Variants in NELL1 observed in about 807,000 individuals in gnomAD.
The protein encoded by NELL1 is protein kinase C-binding protein NELL1.
In NELL1, 76 loss-of-function variants were observed where a neutral mutation model predicts 107.4. The ratio of observed to expected loss-of-function variants is 0.71; its 90% CI spans 0.59 to 0.86. The LOEUF (loss-of-function observed/expected upper bound fraction) is 0.86, where lower values mean the gene tolerates loss of function less well. Among genes scored for constraint, NELL1 ranks in the 40% least tolerant of loss-of-function variants. The pLI is 0.00. For missense variants in NELL1, 1,024 were observed against 1,005.5 expected (o/e 1.02, Z -0.25); for synonymous variants, 353 against 341.2 (o/e 1.03, Z -0.38).
intron 4 of NELL1, among the ~76,000 whole-genome samples, chr11:20,858,867 T>C (rs1848928403): frequency 6.6e-6 from 1 of 152,164 alleles, no homozygotes; most frequent in Non-Finnish European, 1.5e-5. Context: ...GTGTGGCCTA[T>C]TAGAAGCTCC....
chr11:21,396,043 G>A (rs191327309), intron 15 of NELL1, among the ~76,000 whole-genome samples: 22 of 151,636 alleles, frequency 1.5e-4, no homozygotes, highest in African/African-American at 5.1e-4. Flanking sequence ...GGCTGAGGCA[G>A]TTTTCACTTC....
At chr11:21,372,594 T>C (rs1851381060) in intron 15 of NELL1, among the ~76,000 whole-genome samples, 1 of 151,956 alleles carries the variant, frequency 6.6e-6, no homozygotes, top group African/African-American at 2.4e-5. Flanking sequence ...GCCTGTGTTA[T>C]CAAACCTTGC....
rs191900044 is a variant in NELL1, at chr11:20,726,441, C to G, written c.184+48381C>G. Among the ~76,000 whole-genome samples, 517 of 148,472 alleles carry G rather than the reference C, an allele frequency of 3.5e-3. 2 individuals carry two copies. The highest frequency in any genetic ancestry group is 0.012 in the African/African-American group (484 of 40,538). On this transcript the variant is annotated intron_variant, in intron 2 of 19. Transcript: ENST00000357134. ...TATACCAGCACCCTAGTCACTAGCA[C>G]CGGAAAAGATAACCATAATCTGACT... is the stretch of plus-strand genomic sequence containing the variant.
At chr11:20,725,188 A>T (rs1200678504) in intron 2 of NELL1, among the ~76,000 whole-genome samples, 1 of 152,194 alleles carries the variant, frequency 6.6e-6, no homozygotes, top group Non-Finnish European at 1.5e-5. Flanking sequence ...AGCATCTCCA[A>T]ACAGTTCATG....
At chr11:21,449,905 C>A (rs1853535650) in intron 15 of NELL1, among the ~76,000 whole-genome samples, 1 of 152,148 alleles carries the variant, frequency 6.6e-6, no homozygotes, top group African/African-American at 2.4e-5. Flanking sequence ...TTCTGTTGAT[C>A]TGTTTGTTCA....
intron 15 of NELL1, among the ~76,000 whole-genome samples, chr11:21,500,559 AC>A (rs1855111998): frequency 6.6e-6 from 1 of 152,090 alleles, no homozygotes; most frequent in African/African-American, 2.4e-5. Context: ...ACAGTTCCCA[AC>A]AATTCAATTT....
At chr11:21,424,618 C>T (rs1022802880) in intron 15 of NELL1, among the ~76,000 whole-genome samples, 3 of 151,946 alleles carry the variant, frequency 2.0e-5, no homozygotes, top group South Asian at 2.1e-4. Context: ...AAGACTCTAT[C>T]TCAAAAACAA....
chr11:21,502,936 G>A (rs1855180021), intron 15 of NELL1, among the ~76,000 whole-genome samples: 2 of 152,276 alleles, frequency 1.3e-5, no homozygotes, highest in African/African-American at 4.8e-5. Context: ...AGGCTGGAGT[G>A]CAATGGCATG....
chr11:20,821,119 A>C (rs1031372986), intron 3 of NELL1, among the ~76,000 whole-genome samples: 3 of 152,204 alleles, frequency 2.0e-5, no homozygotes, highest in Non-Finnish European at 2.9e-5. Flanking sequence ...AGGAGATGGC[A>C]TTTAAACTGG....
At chr11:21,404,382 G>C (rs546570942) in intron 15 of NELL1, among the ~76,000 whole-genome samples, 14 of 151,990 alleles carry the variant, frequency 9.2e-5, no homozygotes, top group African/African-American at 3.4e-4. Flanking sequence ...CAGTTCAAAG[G>C]CATTAGAAGG....
At chr11:21,074,158 C>G (rs1854080296) in intron 12 of NELL1, among the ~76,000 whole-genome samples, 1 of 152,074 alleles carries the variant, frequency 6.6e-6, no homozygotes, top group South Asian at 2.1e-4. Flanking sequence ...GTTCTGGGAC[C>G]AGTAACATCA....
chr11:20,744,359 C>T (rs1855955586), intron 2 of NELL1, among the ~76,000 whole-genome samples: 1 of 152,234 alleles, frequency 6.6e-6, no homozygotes, highest in East Asian at 1.9e-4. Context: ...CCTTGCTTGT[C>T]ATAATCAGAC....
chr11:21,241,602 G>C (rs61888073), intron 14 of NELL1, among the ~76,000 whole-genome samples: 27,999 of 152,094 alleles, frequency 0.18, 2,791 homozygotes, highest in Non-Finnish European at 0.22. Flanking sequence ...TAATGTACAA[G>C]TGTCAGCATA....
At chr11:20,922,821 T>A (rs1469648656) in intron 7 of NELL1, among the ~76,000 whole-genome samples, 1 of 152,204 alleles carries the variant, frequency 6.6e-6, no homozygotes, top group African/African-American at 2.4e-5. Context: ...TTTCAGCATC[T>A]GTTTCCCCAT....
At chr11:21,103,062 T>C (rs1400377) in intron 12 of NELL1, among the ~76,000 whole-genome samples, 41,064 of 152,064 alleles carry the variant, frequency 0.27, 6,136 homozygotes, top group South Asian at 0.41. Context: ...TGAGTACATT[T>C]AGCTGATCAT....
intron 15 of NELL1, among the ~76,000 whole-genome samples, chr11:21,503,856 T>C (rs1270966511): frequency 6.9e-6 from 1 of 145,172 alleles, no homozygotes; most frequent in Non-Finnish European, 1.5e-5. Flanking sequence ...AACACTTGGC[T>C]TTTTTTTTTT....
chr11:21,438,633 T>C (rs138577539), intron 15 of NELL1, among the ~76,000 whole-genome samples: 112 of 152,258 alleles, frequency 7.4e-4, no homozygotes, highest in African/African-American at 2.2e-3. Context: ...GCATATGTCA[T>C]GCAGGCTTTC....
intron 2 of NELL1, among the ~76,000 whole-genome samples, chr11:20,715,162 G>A (rs540552429): frequency 7.2e-4 from 110 of 152,086 alleles, no homozygotes; most frequent in Admixed American, 3.6e-3. Context: ...GGAGAATGGC[G>A]TGAACCCAGG....
At chr11:21,244,793 T>G (rs1035765987) in intron 14 of NELL1, among the ~76,000 whole-genome samples, 1 of 152,070 alleles carries the variant, frequency 6.6e-6, no homozygotes, top group African/African-American at 2.4e-5. Context: ...GGTGACTGAG[T>G]GGTGAAGGTC....
Sources: allele counts gnomAD v4.1 joint callset (sites outside exome capture counted in the v4.1 genomes callset), GRCh38; gene constraint gnomAD v4.1.1; transcripts MANE v1.5; gene names NCBI Gene and HGNC (gene_info 2026-07-23, HGNC 2026-07-21).